The following TF variants were observed in gnomAD, a reference collection of about 807,000 sequenced individuals.
TF encodes the protein serotransferrin.
Under a neutral mutation model 82.4 loss-of-function variants are expected in TF, and 55 were observed. That is an observed-to-expected ratio of 0.67 (90% CI 0.54 to 0.84). The LOEUF is 0.84. TF is among the 40% of genes least tolerant of loss of function. The pLI, the probability that TF is intolerant of heterozygous loss-of-function variation, is 0.00. For missense variants in TF, 737 were observed against 868.4 expected (o/e 0.85, Z 1.90); for synonymous variants, 332 against 332.6 (o/e 1.00, Z 0.02).
chr3:133,757,149 C>A, intron 7 of TF, 140 bp downstream of exon 7: 2 of 1,193,024 alleles, frequency 1.7e-6, no homozygotes, highest in East Asian at 2.5e-5. Flanking sequence ...ACTAAGTTCT[C>A]TAAAAGCTGG....
the TF span, among the ~76,000 whole-genome samples, chr3:133,740,096 A>T: frequency 6.6e-6 from 1 of 152,258 alleles, no homozygotes; most frequent in African/African-American, 2.4e-5. Context: ...ATGCCCATCA[A>T]TGATAGACTG....
the TF span, among the ~76,000 whole-genome samples, chr3:133,712,062 G>C: frequency 1.3e-5 from 2 of 152,062 alleles, 1 homozygote; most frequent in Non-Finnish European, 2.9e-5. Flanking sequence ...GGCTGCAAGG[G>C]GCTCTTTTAT....
the TF span, among the ~76,000 whole-genome samples, chr3:133,680,015 A>G: frequency 1.3e-5 from 2 of 152,146 alleles, no homozygotes; most frequent in African/African-American, 2.4e-5. Flanking sequence ...ATGTAGTGAA[A>G]TCAATCTCTA....
intron 15 of TF, among the ~76,000 whole-genome samples, chr3:133,776,617 A>G (rs7638018): frequency 0.3 from 45,521 of 152,106 alleles, 7,436 homozygotes; most frequent in South Asian, 0.42. Context: ...TTCAAAATGC[A>G]GTCAAACATG....
rs1401782473 is a variant in TF, at chr3:133,787,239, C to T, written c.*8619C>T. 2 of 152,148 alleles carry T rather than the reference C, an allele frequency of 1.3e-5. No homozygotes were observed. The highest frequency in any genetic ancestry group is 3.8e-4 in the East Asian group (2 of 5,196). 9.4% of individuals were successfully genotyped at this position (152,148 alleles called of 1,614,324 possible). A position where few individuals can be genotyped will look rare whatever the true frequency, so the allele number is the denominator to read the frequency against. ...TCTAGTAAAATTAGCACATTTTGCA[C>T]ACTTTGTATTGAAATTCATAGGAAA... On this transcript the variant is annotated 3_prime_UTR_variant, in exon 17 of 17. Coordinates refer to ENST00000402696, the MANE Select transcript of TF (RefSeq NM_001063.4).
the TF span, among the ~76,000 whole-genome samples, chr3:133,738,448 GA>G: frequency 1.3e-5 from 2 of 152,176 alleles, no homozygotes; most frequent in Non-Finnish European, 2.9e-5. Flanking sequence ...ACATAGTATT[GA>G]AAGTTCTCGT....
At chr3:133,740,433 C>T in the TF span, among the ~76,000 whole-genome samples, 6 of 152,026 alleles carry the variant, frequency 3.9e-5, no homozygotes, top group African/African-American at 1.4e-4. Context: ...AAGTGATTCT[C>T]GATTCTCATG....
At chr3:133,755,991 G>A (rs1933817671) in intron 5 of TF, among the ~76,000 whole-genome samples, 1 of 152,062 alleles carries the variant, frequency 6.6e-6, no homozygotes, top group Non-Finnish European at 1.5e-5. Context: ...TTCACCCTCA[G>A]GAGACACTAT....
At chr3:133,689,347 A>C in the TF span, among the ~76,000 whole-genome samples, 2 of 152,044 alleles carry the variant, frequency 1.3e-5, no homozygotes, top group African/African-American at 4.8e-5. Flanking sequence ...AAATAAAATA[A>C]CAAATAAATA....
intron 14 of TF, chr3:133,775,157 T>C: frequency 2.0e-6 from 1 of 508,996 alleles, no homozygotes; most frequent in Non-Finnish European, 3.6e-6. Context: ...GAAGATCTTT[T>C]TGAACAGCAT....
In TF at chr3:133,754,689, T is replaced by G; in HGVS notation, c.502+18T>G. 1 of 1,613,996 alleles carries G rather than the reference T, an allele frequency of 6.2e-7. No homozygotes were observed. Among genetic ancestry groups the G allele is most frequent in the Non-Finnish European group, 8.5e-7 (1 of 1,179,976 alleles). ...TGAGAAAGGTAAGCTGGCAGGAGTCTGGGTGCCCTCGAGCAGCTGCCTCTG... is the reference window on the plus strand; with the variant it reads ...TGAGAAAGGTAAGCTGGCAGGAGTCGGGGTGCCCTCGAGCAGCTGCCTCTG... On this transcript the variant is annotated intron_variant, in intron 4 of 16. Coordinates refer to ENST00000402696, the MANE Select transcript of TF (RefSeq NM_001063.4).
chr3:133,782,686 T>A lies in TF; in HGVS notation c.*4066T>A, dbSNP rs1363231738. 6.7e-6 allele frequency: 1 copy of A among 150,260 alleles called. No homozygotes were observed. Among genetic ancestry groups the A allele is most frequent in the African/African-American group, 2.5e-5 (1 of 40,616 alleles). 9.3% of individuals were successfully genotyped at this position (150,260 alleles called of 1,614,324 possible). A position where few individuals can be genotyped will look rare whatever the true frequency, so the allele number is the denominator to read the frequency against. On this transcript the variant is annotated 3_prime_UTR_variant, in exon 17 of 17. Coordinates refer to ENST00000402696, the MANE Select transcript of TF (RefSeq NM_001063.4). ...CAGCAGATAGGAGGGCTAGGCGCAG[T>A]GGCTCACTCCTGTAATCCCAGGACT...
the TF span, among the ~76,000 whole-genome samples, chr3:133,680,201 C>G: frequency 1.3e-5 from 2 of 150,802 alleles, no homozygotes; most frequent in Non-Finnish European, 3.0e-5. Context: ...TTTTCTTTTT[C>G]TTTTTTTTCT....
rs951803915 is a variant in TF at position 133,789,628 on chromosome 3, A to G, written c.*11008A>G. On this transcript the variant is annotated 3_prime_UTR_variant, in exon 17 of 17. Coordinates refer to ENST00000402696, the MANE Select transcript of TF (RefSeq NM_001063.4). ...ATATGTTGTGTTTTGGCATATAAGT[A>G]AAAGAGCACTCATAAATTAAGTAAA... 1.3e-5 allele frequency: 2 copies of G among 152,272 alleles called. No individual in the cohort carries two copies. Among genetic ancestry groups the G allele is most frequent in the African/African-American group, 4.8e-5 (2 of 41,472 alleles). 9.4% of individuals were successfully genotyped at this position (152,272 alleles called of 1,614,324 possible). A position where few individuals can be genotyped will look rare whatever the true frequency, so the allele number is the denominator to read the frequency against.
intron 12 of TF, among the ~76,000 whole-genome samples, 178 bp downstream of exon 12, chr3:133,766,611 C>G (rs1342493239): frequency 6.6e-6 from 1 of 152,174 alleles, no homozygotes; most frequent in African/African-American, 2.4e-5. Context: ...GCTGGAAGGA[C>G]TGGAACTGGG....
chr3:133,711,693 AC>A, the TF span, among the ~76,000 whole-genome samples: 149 of 152,082 alleles, frequency 9.8e-4, no homozygotes, highest in Non-Finnish European at 4.4e-4. Context: ...GTTTCCATCC[AC>A]CCTGTTGCCA....
intron 14 of TF, chr3:133,775,222 G>A (rs182463239): frequency 3.2e-6 from 2 of 615,688 alleles, no homozygotes; most frequent in African/African-American, 3.7e-5. Context: ...GGAAGGGGAT[G>A]GTCAATAATC....
chr3:133,682,536 C>T, the TF span, among the ~76,000 whole-genome samples: 1 of 152,146 alleles, frequency 6.6e-6, no homozygotes, highest in Non-Finnish European at 1.5e-5. Flanking sequence ...AGCTGAAAAC[C>T]ATGGCACGAG....
the TF span, among the ~76,000 whole-genome samples, chr3:133,687,388 G>A: frequency 6.6e-6 from 1 of 151,452 alleles, no homozygotes; most frequent in Non-Finnish European, 1.5e-5. Flanking sequence ...CCCTACCTAC[G>A]AGGGTAGGAA....
Sources: gnomAD v4.1 joint callset for allele counts (sites outside exome capture counted in the v4.1 genomes callset) on GRCh38, gnomAD v4.1.1 for gene constraint, MANE v1.5 for transcripts, NCBI Gene and HGNC (gene_info 2026-07-23, HGNC 2026-07-21) for gene names.